SNRPB2: variants seen among roughly 807,000 people sequenced by gnomAD.
SNRPB2 encodes the protein U2 small nuclear ribonucleoprotein B''.
SNRPB2 carries 16 observed loss-of-function variants against 26.3 expected under a neutral mutation model. The observed-to-expected ratio is 0.61, with a 90% CI of 0.41 to 0.92. SNRPB2 has a LOEUF of 0.92. SNRPB2 is among the 40% of genes least tolerant of loss of function. SNRPB2 has a pLI of 0.00. For missense variants in SNRPB2, 179 were observed against 268.1 expected, an observed-to-expected ratio of 0.67 and a Z score of 2.32; for synonymous variants, 75 against 89.0, an observed-to-expected ratio of 0.84 and a Z score of 0.88.
rs138790761 is a variant in SNRPB2, at chr20:16,736,895, C to G, written c.238-366C>G. ...AGGCACTGAGGAGATTTGAACAGTT[C>G]AGGATTCCAAAGCCCGCTGGTGGAG... On this transcript the variant is annotated intron_variant, in intron 3 of 6. Coordinates refer to ENST00000246071, the MANE Select transcript of SNRPB2 (RefSeq NM_003092.5). Among the ~76,000 whole-genome samples, 211 of 152,316 alleles carry G rather than the reference C, an allele frequency of 1.4e-3. 1 individual carries two copies. The highest frequency in any genetic ancestry group is 4.8e-3 in the African/African-American group (199 of 41,578).
At chr20:16,731,117 C>G (rs1453332218) in intron 1 of SNRPB2, among the ~76,000 whole-genome samples, 1 of 152,206 alleles carries the variant, frequency 6.6e-6, no homozygotes, top group African/African-American at 2.4e-5. Context: ...ATACTGGAAT[C>G]TGAGTTTAAT....
chr20:16,740,198 G>A lies in SNRPB2; in HGVS notation c.430-127G>A, dbSNP rs577710765. The stretch of plus-strand genomic sequence containing the variant: ...GTCTGCCTTGCTTAGTTACTGTAAG[G>A]TTTTGATTTATTTCTCCAGTGTCAT... On this transcript the variant is annotated intron_variant, in intron 5 of 6. Transcript: ENST00000246071. The A allele has an allele frequency of 1.1e-5, 17 of 1,479,264 alleles. No individual in the cohort carries two copies. The African/African-American group carries it at 2.3e-4, about 20-fold the overall frequency. 91.6% of individuals were successfully genotyped at this position (1,479,264 alleles called of 1,614,324 possible). A position where few individuals can be genotyped will look rare whatever the true frequency, so the allele number is the denominator to read the frequency against.
Position 16,740,897 on chromosome 20 carries a change from T to G in SNRPB2, c.570T>G (p.Ala190=), listed in dbSNP as rs759273099. The part of the protein sequence containing the change: ...VRLVPGRHDI[A]FVEFENDGQA... ...TGGTACCAGGGAGGCATGACATTGC[T>G]TTTGTTGAATTTGAAAATGATGGGC... The change falls in exon 7 of 7, where the codon GCT becomes GCG. Residue 190 remains alanine, a synonymous_variant. Transcript: ENST00000246071. 8 of 1,612,726 alleles carry G rather than the reference T, an allele frequency of 5.0e-6. No homozygotes were observed. The highest frequency in any genetic ancestry group is 6.8e-6 in the Non-Finnish European group (8 of 1,178,762).
chr20:16,737,064 A>C (rs75561521), intron 3 of SNRPB2, among the ~76,000 whole-genome samples, 197 bp from the exon 4 acceptor site: 9,660 of 152,252 alleles, frequency 0.063, 421 homozygotes, highest in Middle Eastern at 0.12. Flanking sequence ...ACACACTTGA[A>C]TCTAACTTTG....
chr20:16,730,318 G>T (rs1487585117), intron 1 of SNRPB2, among the ~76,000 whole-genome samples, 154 bp downstream of exon 1: 2 of 152,138 alleles, frequency 1.3e-5, no homozygotes, highest in African/African-American at 4.8e-5. Flanking sequence ...CGGGAGGCTT[G>T]CGCGTACGAA....
At chr20:16,737,923 C>T (rs953764621) in intron 4 of SNRPB2, among the ~76,000 whole-genome samples, 1 of 151,274 alleles carries the variant, frequency 6.6e-6, no homozygotes, top group Non-Finnish European at 1.5e-5. Context: ...CCTGTAGTCC[C>T]AGCTACTCTG....
Position 16,741,199 on chromosome 20 carries a change from AC to A in SNRPB2, c.*195del, listed in dbSNP as rs2072460374. ...CGAAGGCCTTAATTTTGTACAATAA[AC>A]TTTTATTTGTATTCTGTGTATATAA... On this transcript the variant is annotated 3_prime_UTR_variant, in exon 7 of 7. Transcript: ENST00000246071. 7 of 470,164 alleles carry A rather than the reference AC, an allele frequency of 1.5e-5. No homozygotes were observed. Among genetic ancestry groups the A allele is most frequent in the Admixed American group, 3.7e-5 (1 of 26,984 alleles). The allele number at this position is 470,164 out of a possible 1,614,324, so 29.1% of individuals were successfully genotyped here.
intron 3 of SNRPB2, among the ~76,000 whole-genome samples, chr20:16,735,935 G>A (rs1600225799): frequency 6.6e-6 from 1 of 152,150 alleles, no homozygotes; most frequent in Non-Finnish European, 1.5e-5. Flanking sequence ...CCACAGCTGC[G>A]ACACATGTCA....
At chr20:16,739,521 A>G (rs1407159448) in intron 5 of SNRPB2, among the ~76,000 whole-genome samples, 1 of 152,018 alleles carries the variant, frequency 6.6e-6, no homozygotes, top group African/African-American at 2.4e-5. Flanking sequence ...AATCCATAGA[A>G]TTCTCTGTAC....
At chr20:16,737,136 A>G (rs2072431269) in intron 3 of SNRPB2, 125 bp from the exon 4 acceptor site, 2 of 686,938 alleles carry the variant, frequency 2.9e-6, no homozygotes, top group Non-Finnish European at 4.5e-6. Flanking sequence ...ATTCTGACAG[A>G]TTTTCTTAGG....
At chr20:16,734,232 G>T (rs2122500348) in intron 3 of SNRPB2, among the ~76,000 whole-genome samples, 1 of 152,252 alleles carries the variant, frequency 6.6e-6, no homozygotes, top group Non-Finnish European at 1.5e-5. Context: ...GAAGCATTTT[G>T]GGAGGTCTAT....
intron 3 of SNRPB2, among the ~76,000 whole-genome samples, chr20:16,735,514 C>G (rs2072419690): frequency 6.6e-6 from 1 of 152,138 alleles, no homozygotes; most frequent in African/African-American, 2.4e-5. Context: ...ATGCTTTAAG[C>G]CAGGGCTACT....
intron 5 of SNRPB2, among the ~76,000 whole-genome samples, 191 bp from the exon 6 acceptor site, chr20:16,740,134 A>T (rs2122508135): frequency 6.6e-6 from 1 of 152,102 alleles, no homozygotes; most frequent in East Asian, 1.9e-4. Context: ...CACTTAAGAG[A>T]TTTGTAATTT....
chr20:16,737,286 C>A lies in SNRPB2; in HGVS notation c.263C>A (p.Ser88Ter). 1 of 1,591,384 alleles carries A rather than the reference C, an allele frequency of 6.3e-7. No individual in the cohort carries two copies. The highest frequency in any genetic ancestry group is 8.5e-7 in the Non-Finnish European group (1 of 1,172,522). ...PMRIQYAKTDSDIISKMRGTF... is the reference protein window; with the variant it reads ...PMRIQYAKTD The stretch of plus-strand genomic sequence containing the variant: ...CGAATACAGTATGCAAAAACAGATT[C>A]GGATATAATATCAAAAATGCGTGGA... Residue 88 changes from serine (S) to a stop codon, truncating the protein, a stop_gained, in exon 4 of 7, where the codon TCG (serine) becomes TAG (stop). Coordinates refer to ENST00000246071, the MANE Select transcript of SNRPB2 (RefSeq NM_003092.5). LOFTEE classifies it high-confidence loss of function.
chr20:16,737,013 G>A (rs2072430446), intron 3 of SNRPB2, among the ~76,000 whole-genome samples: 1 of 152,076 alleles, frequency 6.6e-6, no homozygotes, highest in Non-Finnish European at 1.5e-5. Flanking sequence ...TCAAAGTCCT[G>A]TGTTTCTCAC....
intron 3 of SNRPB2, chr20:16,732,584 A>T (rs1055985739): frequency 6.9e-6 from 2 of 290,890 alleles, no homozygotes; most frequent in African/African-American, 4.3e-5. Context: ...CAATAGTCTT[A>T]TCTCAAAAAG....
At position 16,738,944 on chromosome 20, in the gene SNRPB2, G is replaced by A. The variant is rs373913125; in HGVS notation, c.429+42G>A. On this transcript the variant is annotated intron_variant, in intron 5 of 6. Transcript: ENST00000246071. ...GTCGTGCTTACCTTAAAATAAGATT[G>A]TAAAAATTACAGCAGTGGTATAAAA... 3.6e-5 allele frequency: 49 copies of A among 1,360,690 alleles called. No homozygotes were observed. In the African/African-American group the frequency reaches 6.9e-4, roughly 19 times the overall value. 84.3% of individuals were successfully genotyped at this position (1,360,690 alleles called of 1,614,324 possible).
At chr20:16,740,521 C>G in intron 6 of SNRPB2, 108 bp downstream of exon 6, 3 of 1,495,578 alleles carry the variant, frequency 2.0e-6, no homozygotes, top group Non-Finnish European at 2.7e-6. Flanking sequence ...CTTACAGGTT[C>G]ATTGATTTGG....
At chr20:16,733,847 C>A (rs903058596) in intron 3 of SNRPB2, among the ~76,000 whole-genome samples, 6 of 152,144 alleles carry the variant, frequency 3.9e-5, no homozygotes, top group African/African-American at 1.4e-4. Context: ...GACTGGACAC[C>A]ATTTTTGTGG....
Sources: gnomAD v4.1 joint callset for allele counts (sites outside exome capture counted in the v4.1 genomes callset) on GRCh38, gnomAD v4.1.1 for gene constraint, MANE v1.5 for transcripts, NCBI Gene and HGNC (gene_info 2026-07-23, HGNC 2026-07-21) for gene names.